The following FSTL4 variants were observed in gnomAD, a reference collection of about 807,000 sequenced individuals.
The protein encoded by FSTL4 is follistatin-related protein 4.
A neutral mutation model predicts 78.2 loss-of-function variants in FSTL4; 28 were observed. The ratio of observed to expected loss-of-function variants is 0.36; its 90% CI spans 0.27 to 0.49. The LOEUF is 0.49. Ranked by LOEUF, FSTL4 falls within the 20% of genes least tolerant of loss-of-function variation. FSTL4 has a pLI of 0.98. For missense variants in FSTL4, 922 were observed against 1,084.9 expected (o/e 0.85, Z 2.11); for synonymous variants, 422 against 440.5 (o/e 0.96, Z 0.53).
the FSTL4 span, among the ~76,000 whole-genome samples, chr5:133,752,654 G>C: frequency 6.6e-6 from 1 of 151,296 alleles, no homozygotes; most frequent in Non-Finnish European, 1.5e-5. Context: ...TAAATTAAAG[G>C]GCTTCCTTTC....
the FSTL4 span, among the ~76,000 whole-genome samples, chr5:133,707,376 A>T: frequency 6.6e-6 from 1 of 152,214 alleles, no homozygotes; most frequent in Admixed American, 6.5e-5. Flanking sequence ...GTGGCTGTTG[A>T]CATTTCAAAA....
chr5:133,199,093 C>T lies in FSTL4; in HGVS notation c.*2G>A. 4 of 1,527,918 alleles carry T rather than the reference C, an allele frequency of 2.6e-6. No individual in the cohort carries two copies. Among genetic ancestry groups the T allele is most frequent in the Non-Finnish European group, 3.5e-6 (4 of 1,132,586 alleles). The allele number at this position is 1,527,918 out of a possible 1,614,324, so 94.6% of individuals were successfully genotyped here. A position where few individuals can be genotyped will look rare whatever the true frequency, so the allele number is the denominator to read the frequency against. ...TTGGCCCAGGGCTCTGCTCTGGGCCCTTCATACCTCACCCACCCACACCAC... is the reference window on the plus strand; with the variant it reads ...TTGGCCCAGGGCTCTGCTCTGGGCCTTTCATACCTCACCCACCCACACCAC... On this transcript the variant is annotated 3_prime_UTR_variant, in exon 16 of 16. Coordinates refer to ENST00000265342, the MANE Select transcript of FSTL4 (RefSeq NM_015082.2). This position sits in a 1 kb window ranked among gnomAD's most constrained non-coding sequence, Gnocchi z 4.4.
chr5:133,209,291 AGCTTCTCCAGAC>A (rs879505716), intron 14 of FSTL4, among the ~76,000 whole-genome samples: 1 of 152,080 alleles, frequency 6.6e-6, no homozygotes, highest in Non-Finnish European at 1.5e-5. Context: ...CCTAGAAGGA[AGCTTCTCCAGAC>A]CCTGGTCTTT....
chr5:133,815,048 G>A, the FSTL4 span, among the ~76,000 whole-genome samples: 1 of 152,182 alleles, frequency 6.6e-6, no homozygotes, highest in Non-Finnish European at 1.5e-5. Flanking sequence ...AGAGGTCTGG[G>A]TATCAATATG....
chr5:133,270,249 C>G (rs1376282528), intron 6 of FSTL4: 1 of 152,096 alleles, frequency 6.6e-6, no homozygotes, highest in Non-Finnish European at 1.5e-5. Flanking sequence ...CTTAAATCAC[C>G]GTGTTGTCAT....
At chr5:133,504,995 C>G (rs1181614923) in intron 3 of FSTL4, among the ~76,000 whole-genome samples, 5 of 152,064 alleles carry the variant, frequency 3.3e-5, no homozygotes, top group African/African-American at 9.7e-5. Context: ...TGTCTTTATG[C>G]AGAGATGCAG....
rs369185258 is a variant in FSTL4, at chr5:133,569,779, G to A, written c.127-2560C>T. Among the ~76,000 whole-genome samples, 17 of 151,990 alleles carry A rather than the reference G, an allele frequency of 1.1e-4. No homozygotes were observed. In the East Asian group the frequency reaches 1.9e-3, roughly 17 times the overall value. On this transcript the variant is annotated intron_variant, in intron 2 of 15. Transcript: ENST00000265342. ...GTATTTCTAAAACAAGCTTTTCTTAGTCATAATATACTTTTAAAAATATGC... is the reference window on the plus strand; with the variant it reads ...GTATTTCTAAAACAAGCTTTTCTTAATCATAATATACTTTTAAAAATATGC...
rs1477739492 is a variant in FSTL4, at chr5:133,612,200, G to C, written c.-11+125C>G. 4 of 151,838 alleles carry C rather than the reference G, an allele frequency of 2.6e-5. 1 individual carries two copies. The South Asian group carries it at 6.2e-4, about 24-fold the overall frequency. The allele number at this position is 151,838 out of a possible 1,614,324, so 9.4% of individuals were successfully genotyped here. A position where few individuals can be genotyped will look rare whatever the true frequency, so the allele number is the denominator to read the frequency against. On this transcript the variant is annotated intron_variant, in intron 1 of 15. Transcript: ENST00000265342. This position sits in a 1 kb window ranked among gnomAD's most constrained non-coding sequence, Gnocchi z 6.2. ...GTAAGGACAAGCAAGCGCCCGCGCC[G>C]GGCCCTGCAGCAAGATGCGGGGCCG...
In FSTL4 at chr5:133,305,636, C is replaced by T. The variant is rs532248160; in HGVS notation, c.727+7018G>A. ...GCTGCCTCTCTACCCAGGTGGCAAGCTCCCCATGGGCAGGGCCTGCTGTGG... is the reference window on the plus strand; with the variant it reads ...GCTGCCTCTCTACCCAGGTGGCAAGTTCCCCATGGGCAGGGCCTGCTGTGG... On this transcript the variant is annotated intron_variant, in intron 6 of 15. Coordinates refer to ENST00000265342, the MANE Select transcript of FSTL4 (RefSeq NM_015082.2). Among the ~76,000 whole-genome samples, 4 of 152,342 alleles carry T rather than the reference C, an allele frequency of 2.6e-5. No individual in the cohort carries two copies. In the South Asian group the frequency reaches 6.2e-4, roughly 24 times the overall value.
At chr5:133,770,981 T>C in the FSTL4 span, among the ~76,000 whole-genome samples, 2 of 152,108 alleles carry the variant, frequency 1.3e-5, no homozygotes, top group South Asian at 4.1e-4. Flanking sequence ...GAATAGAATG[T>C]TCTTTCCCCA....
intron 2 of FSTL4, among the ~76,000 whole-genome samples, chr5:133,577,133 C>T (rs930602744): frequency 2.0e-5 from 3 of 152,168 alleles, no homozygotes; most frequent in African/African-American, 7.2e-5. Flanking sequence ...TTGGATTTCT[C>T]AGCACACCAT....
intron 3 of FSTL4, among the ~76,000 whole-genome samples, chr5:133,401,778 C>T (rs1419884396): frequency 6.6e-6 from 1 of 152,114 alleles, no homozygotes; most frequent in East Asian, 1.9e-4. Flanking sequence ...CAGGCTTGAG[C>T]CAAGACTCCC....
At chr5:133,759,793 G>A in the FSTL4 span, among the ~76,000 whole-genome samples, 1 of 152,212 alleles carries the variant, frequency 6.6e-6, no homozygotes, top group Non-Finnish European at 1.5e-5. Flanking sequence ...TACTAGTTGA[G>A]TTAGTTCACC....
At chr5:133,339,324 G>A (rs956804656) in intron 4 of FSTL4, among the ~76,000 whole-genome samples, 6 of 152,194 alleles carry the variant, frequency 3.9e-5, no homozygotes, top group Non-Finnish European at 7.3e-5. Flanking sequence ...AGCAGGAATA[G>A]GACACCTCTG....
intron 4 of FSTL4, among the ~76,000 whole-genome samples, chr5:133,365,063 T>C (rs1755156456): frequency 6.6e-6 from 1 of 152,242 alleles, no homozygotes; most frequent in South Asian, 2.1e-4. Flanking sequence ...GCACAGAAGG[T>C]TAATTGCCCA....
chr5:133,446,947 A>G (rs1164479267), intron 3 of FSTL4, among the ~76,000 whole-genome samples: 1 of 152,144 alleles, frequency 6.6e-6, no homozygotes, highest in African/African-American at 2.4e-5. Flanking sequence ...GGTCTAGGGT[A>G]TTCAGACCAC....
intron 6 of FSTL4, among the ~76,000 whole-genome samples, chr5:133,259,525 T>C (rs910727018): frequency 2.1e-4 from 32 of 150,372 alleles, no homozygotes; most frequent in Admixed American, 5.3e-4. Context: ...TTTCTTTTTT[T>C]TTTTTTTTTT....
the FSTL4 span, among the ~76,000 whole-genome samples, chr5:133,697,468 G>A: frequency 2.0e-5 from 3 of 152,142 alleles, no homozygotes; most frequent in African/African-American, 7.2e-5. Flanking sequence ...CTCTGTCTTG[G>A]AAGCAATGGA....
At position 133,558,024 on chromosome 5, in the gene FSTL4, GCTCT is replaced by G. The variant is rs569052365; in HGVS notation, c.160+9158_160+9161del. On this transcript the variant is annotated intron_variant, in intron 3 of 15. Transcript: ENST00000265342. ...CCAACATCAATTACACTGAACAAAT[GCTCT>G]CTCTATGTTGCGGACCCAACTGAGA... Among the ~76,000 whole-genome samples the G allele has an allele frequency of 1.4e-4, 21 of 152,252 alleles. 1 individual carries two copies. The South Asian group carries it at 1.9e-3, about 14-fold the overall frequency.
Sources: gnomAD v4.1 joint callset for allele counts (sites outside exome capture counted in the v4.1 genomes callset) on GRCh38, gnomAD v4.1.1 for gene constraint, Gnocchi (gnomAD v3.1) non-coding constraint, MANE v1.5 for transcripts, NCBI Gene and HGNC (gene_info 2026-07-23, HGNC 2026-07-21) for gene names.